The following ANO10 variants were observed in gnomAD, a reference collection of about 807,000 sequenced individuals.
The protein encoded by ANO10 is anoctamin 10, also known as anoctamin-10.
Under a neutral mutation model 74.7 loss-of-function variants are expected in ANO10, and 77 were observed. The ratio of observed to expected loss-of-function variants is 1.03; its 90% CI spans 0.86 to 1.25. The LOEUF is 1.25. Ranked by LOEUF, ANO10 falls within the 50% of genes most tolerant of loss-of-function variation. The pLI, the probability that ANO10 is intolerant of heterozygous loss-of-function variation, is 0.00. For missense variants in ANO10, 721 were observed against 778.1 expected (o/e 0.93, Z 0.87); for synonymous variants, 279 against 284.9 (o/e 0.98, Z 0.21).
chr3:43,560,743 TA>T (rs1405890315), intron 9 of ANO10, among the ~76,000 whole-genome samples: 1 of 152,214 alleles, frequency 6.6e-6, no homozygotes, highest in Non-Finnish European at 1.5e-5. Context: ...GTCTCTGTCT[TA>T]AAAGAACTGT....
intron 1 of ANO10, among the ~76,000 whole-genome samples, chr3:43,649,230 C>T (rs1438370650): frequency 1.3e-5 from 2 of 152,210 alleles, no homozygotes; most frequent in Admixed American, 6.5e-5. Flanking sequence ...GTATAAATAA[C>T]TGCTTTACAT....
chr3:43,596,944 G>C (rs1427205230), intron 4 of ANO10, among the ~76,000 whole-genome samples: 1 of 152,170 alleles, frequency 6.6e-6, no homozygotes, highest in Admixed American at 6.5e-5. Flanking sequence ...CCATCGAAAA[G>C]TGGGCAAAGG....
intron 11 of ANO10, among the ~76,000 whole-genome samples, chr3:43,443,511 A>G (rs1411824460): frequency 6.6e-6 from 1 of 152,136 alleles, no homozygotes; most frequent in Admixed American, 6.6e-5. Flanking sequence ...TCAGCATGTC[A>G]AAGTGCAGTA....
intron 1 of ANO10, among the ~76,000 whole-genome samples, chr3:43,612,289 T>C (rs2082872173): frequency 6.6e-6 from 1 of 151,438 alleles, no homozygotes; most frequent in Non-Finnish European, 1.5e-5. Flanking sequence ...TGTTGCTGTC[T>C]TTGCAATCTG....
intron 2 of ANO10, among the ~76,000 whole-genome samples, chr3:43,601,362 C>A (rs1415527485): frequency 6.6e-6 from 1 of 152,112 alleles, no homozygotes; most frequent in African/African-American, 2.4e-5. Context: ...TGTGCCACTA[C>A]ACCAAGCTAT....
intron 12 of ANO10, among the ~76,000 whole-genome samples, chr3:43,386,644 TGTAC>T (rs1414016763): frequency 7.4e-6 from 1 of 134,742 alleles, no homozygotes; most frequent in South Asian, 2.5e-4. Context: ...TGTGTAGGTG[TGTAC>T]GTGTGTGTGT....
At chr3:43,677,577 T>C (rs1342505424) in intron 1 of ANO10, among the ~76,000 whole-genome samples, 2 of 152,306 alleles carry the variant, frequency 1.3e-5, no homozygotes, top group South Asian at 2.1e-4. Flanking sequence ...CTCACAATTC[T>C]GTGGGTCAGT....
intron 11 of ANO10, among the ~76,000 whole-genome samples, chr3:43,450,983 C>T (rs1409886755): frequency 6.6e-6 from 1 of 152,190 alleles, no homozygotes; most frequent in African/African-American, 2.4e-5. Context: ...TGATACCTTA[C>T]ATAGTCATAA....
chr3:43,484,883 T>G, intron 11 of ANO10: 1 of 608,628 alleles, frequency 1.6e-6, no homozygotes, highest in Non-Finnish European at 2.8e-6. Context: ...GCATGACCAA[T>G]TGTCTAAGCA....
chr3:43,472,380 A>G (rs2075893214), intron 11 of ANO10: 1 of 152,236 alleles, frequency 6.6e-6, no homozygotes, highest in South Asian at 2.1e-4. Context: ...AAATTTTTTA[A>G]AAAACCCTTA....
At chr3:43,566,321 G>C (rs1464168436) in intron 7 of ANO10, among the ~76,000 whole-genome samples, 1 of 152,194 alleles carries the variant, frequency 6.6e-6, no homozygotes, top group Non-Finnish European at 1.5e-5. Context: ...GCTCGAACTG[G>C]GTGGAGCCCA....
intron 1 of ANO10, among the ~76,000 whole-genome samples, chr3:43,666,085 G>C (rs1396557503): frequency 6.6e-6 from 1 of 152,096 alleles, no homozygotes; most frequent in Non-Finnish European, 1.5e-5. Context: ...CTATATTTCT[G>C]TCATATCTTC....
intron 11 of ANO10, among the ~76,000 whole-genome samples, chr3:43,521,081 C>T (rs185724568): frequency 2.0e-5 from 3 of 152,300 alleles, no homozygotes; most frequent in African/African-American, 7.2e-5. Context: ...TACAAGAGCA[C>T]ATCACCTGCA....
chr3:43,445,914 G>C (rs535095922), intron 11 of ANO10, among the ~76,000 whole-genome samples: 60 of 152,216 alleles, frequency 3.9e-4, no homozygotes, highest in Non-Finnish European at 7.9e-4. Context: ...TGCCCAGGCT[G>C]GTCTTGAACT....
At chr3:43,484,942 T>C (rs576916388) in intron 11 of ANO10, 13 of 917,712 alleles carry the variant, frequency 1.4e-5, no homozygotes, top group African/African-American at 3.4e-5. Flanking sequence ...CTGAGTTTAT[T>C]TGGGGCCCAC....
intron 4 of ANO10, among the ~76,000 whole-genome samples, chr3:43,593,233 C>T (rs745849104): frequency 6.6e-5 from 10 of 152,306 alleles, no homozygotes; most frequent in Non-Finnish European, 1.3e-4. Flanking sequence ...GGCAGGCCAA[C>T]ATTCAAATAC....
At chr3:43,584,820 C>T (rs944920425) in intron 4 of ANO10, among the ~76,000 whole-genome samples, 2 of 152,112 alleles carry the variant, frequency 1.3e-5, no homozygotes, top group African/African-American at 4.8e-5. Flanking sequence ...ACTTTACACG[C>T]GTGTGTAAAA....
intron 12 of ANO10, among the ~76,000 whole-genome samples, chr3:43,413,603 G>A (rs1264104139): frequency 6.6e-6 from 1 of 151,100 alleles, no homozygotes; most frequent in African/African-American, 2.4e-5. Context: ...AGAACCATGA[G>A]CCAATTAAAC....
At chr3:43,487,396 T>C (rs1031194810) in intron 11 of ANO10, among the ~76,000 whole-genome samples, 4 of 152,170 alleles carry the variant, frequency 2.6e-5, no homozygotes, top group African/African-American at 7.2e-5. Flanking sequence ...TTCCTCCTTG[T>C]ACTTCTGGTA....
Sources: gnomAD v4.1 joint callset for allele counts (sites outside exome capture counted in the v4.1 genomes callset) on GRCh38, gnomAD v4.1.1 for gene constraint, MANE v1.5 for transcripts, NCBI Gene and HGNC (gene_info 2026-07-23, HGNC 2026-07-21) for gene names.